NELL1: variants seen among roughly 807,000 people sequenced by gnomAD.
The protein encoded by NELL1 is protein kinase C-binding protein NELL1.
NELL1 carries 76 observed loss-of-function variants against 107.4 expected under a neutral mutation model. The observed-to-expected ratio is 0.71, with a 90% CI of 0.59 to 0.86. NELL1 has a LOEUF of 0.86. Ranked by LOEUF, NELL1 falls within the 40% of genes least tolerant of loss-of-function variation. NELL1 has a pLI of 0.00. For synonymous variants in NELL1, 353 were observed against 341.2 expected (o/e 1.03, Z -0.38); for missense variants, 1,024 against 1,005.5 (o/e 1.02, Z -0.25).
chr11:21,181,905 T>A (rs1176335155), intron 13 of NELL1, among the ~76,000 whole-genome samples: 1 of 151,912 alleles, frequency 6.6e-6, no homozygotes, highest in Non-Finnish European at 1.5e-5. Context: ...AGTAGCTGAA[T>A]TTTTAATAGT....
intron 12 of NELL1, among the ~76,000 whole-genome samples, chr11:20,961,015 G>C (rs1313440266): frequency 6.6e-6 from 1 of 152,106 alleles, no homozygotes; most frequent in Non-Finnish European, 1.5e-5. Context: ...ATTCTTTTTA[G>C]TGGGTTTCTT....
At chr11:20,688,422 C>G (rs1360517346) in intron 2 of NELL1, among the ~76,000 whole-genome samples, 2 of 152,028 alleles carry the variant, frequency 1.3e-5, no homozygotes, top group Non-Finnish European at 2.9e-5. Flanking sequence ...TAGCTGCCAT[C>G]TTTATGTTCA....
chr11:20,678,194 A>G lies in NELL1; in HGVS notation c.184+134A>G, dbSNP rs1235993100. ...TTGTGTTGCTGTCTTGAGTGTTTAG[A>G]TATGCAGGGGGTATTATTCTGAGGG... On this transcript the variant is annotated intron_variant, in intron 2 of 19. Coordinates refer to ENST00000357134, the MANE Select transcript of NELL1 (RefSeq NM_006157.5). 44 of 968,822 alleles carry G rather than the reference A, an allele frequency of 4.5e-5. 1 individual carries two copies. The South Asian group carries it at 6.2e-4, about 14-fold the overall frequency. 60.0% of individuals were successfully genotyped at this position (968,822 alleles called of 1,614,324 possible). A position where few individuals can be genotyped will look rare whatever the true frequency, so the allele number is the denominator to read the frequency against.
intron 15 of NELL1, among the ~76,000 whole-genome samples, chr11:21,451,176 G>C (rs1303488076): frequency 1.8e-5 from 2 of 111,566 alleles, no homozygotes; most frequent in Non-Finnish European, 3.4e-5. Flanking sequence ...GACAGAGATA[G>C]ACTCCGTCTA....
At chr11:21,417,716 A>G (rs1407941314) in intron 15 of NELL1, among the ~76,000 whole-genome samples, 1 of 152,012 alleles carries the variant, frequency 6.6e-6, no homozygotes, top group Non-Finnish European at 1.5e-5. Flanking sequence ...TCTCATCCCC[A>G]TTACCTGAGC....
At chr11:20,812,697 T>C (rs1208591896) in intron 3 of NELL1, among the ~76,000 whole-genome samples, 1 of 152,034 alleles carries the variant, frequency 6.6e-6, no homozygotes, top group Non-Finnish European at 1.5e-5. Context: ...TAGGTACTCT[T>C]CAAATTGTAC....
intron 12 of NELL1, among the ~76,000 whole-genome samples, chr11:21,089,713 G>A (rs1253394666): frequency 6.6e-6 from 1 of 152,172 alleles, no homozygotes; most frequent in Non-Finnish European, 1.5e-5. Context: ...GTCTCTGATT[G>A]GCAATCATTC....
chr11:21,355,416 C>T (rs1301006578), intron 14 of NELL1, among the ~76,000 whole-genome samples: 1 of 152,184 alleles, frequency 6.6e-6, no homozygotes, highest in African/African-American at 2.4e-5. Flanking sequence ...TGCACTACCT[C>T]ATTTAATTCC....
At chr11:20,701,624 GGGTTTTTAT>G (rs564465654) in intron 2 of NELL1, among the ~76,000 whole-genome samples, 318 of 152,250 alleles carry the variant, frequency 2.1e-3, no homozygotes, top group African/African-American at 7.1e-3. Flanking sequence ...TTTTCTTCTA[GGGTTTTTAT>G]GGTTTTAGGT....
chr11:21,216,866 G>T (rs1358647533), intron 13 of NELL1, among the ~76,000 whole-genome samples: 1 of 152,112 alleles, frequency 6.6e-6, no homozygotes, highest in Non-Finnish European at 1.5e-5. Context: ...AGGACTTTGG[G>T]GGACTGTTGG....
At chr11:21,451,020 C>G (rs1306690772) in intron 15 of NELL1, among the ~76,000 whole-genome samples, 1 of 151,412 alleles carries the variant, frequency 6.6e-6, no homozygotes, top group Non-Finnish European at 1.5e-5. Flanking sequence ...GAAACCCCGT[C>G]TCTACTAAAA....
Position 21,407,835 on chromosome 11 carries a change from T to TA in NELL1, c.1645+36895dup, listed in dbSNP as rs529136358. 1.4e-3 allele frequency among the ~76,000 whole-genome samples: 210 copies of TA among 151,774 alleles called. 5 individuals are homozygous for TA. The South Asian group carries it at 0.039, about 28-fold the overall frequency. On this transcript the variant is annotated intron_variant, in intron 15 of 19. Coordinates refer to ENST00000357134, the MANE Select transcript of NELL1 (RefSeq NM_006157.5). ...TTTTGTTTCTACAGTATCCTTTATCTAAAAAAAATTTTCCTTTTCTTTGCC... is the reference window on the plus strand; with the variant it reads ...TTTTGTTTCTACAGTATCCTTTATCTAAAAAAAAATTTTCCTTTTCTTTGCC...
At chr11:21,389,747 G>A (rs1425175445) in intron 15 of NELL1, among the ~76,000 whole-genome samples, 1 of 151,722 alleles carries the variant, frequency 6.6e-6, no homozygotes. Flanking sequence ...CTGTGAATTG[G>A]TTGTAATTTG....
At chr11:20,739,379 G>A (rs1855835841) in intron 2 of NELL1, among the ~76,000 whole-genome samples, 1 of 147,576 alleles carries the variant, frequency 6.8e-6, no homozygotes, top group Non-Finnish European at 1.5e-5. Flanking sequence ...ACACCACGTT[G>A]TCAGGTTGCA....
intron 10 of NELL1, among the ~76,000 whole-genome samples, chr11:20,943,797 T>A (rs1334227932): frequency 6.6e-6 from 1 of 152,204 alleles, no homozygotes; most frequent in East Asian, 1.9e-4. Flanking sequence ...ATTGTTAGAC[T>A]GACTTGGAAA....
chr11:20,985,330 C>T (rs941591045), intron 12 of NELL1, among the ~76,000 whole-genome samples: 7 of 152,130 alleles, frequency 4.6e-5, no homozygotes, highest in African/African-American at 1.7e-4. Flanking sequence ...TGCACAAACC[C>T]TAACCCACAG....
intron 2 of NELL1, among the ~76,000 whole-genome samples, chr11:20,697,334 C>CGGT (rs1478320007): frequency 6.6e-6 from 1 of 150,482 alleles, no homozygotes; most frequent in Non-Finnish European, 1.5e-5. Context: ...GATGTGTCAT[C>CGGT]GGTGGTTCAT....
intron 2 of NELL1, among the ~76,000 whole-genome samples, chr11:20,695,051 A>G (rs1715290): frequency 0.85 from 128,797 of 151,942 alleles, 55,009 homozygotes; most frequent in Non-Finnish European, 0.87. Context: ...TTTTTTGTGC[A>G]TATATTATAA....
chr11:21,032,876 C>T (rs1197988444), intron 12 of NELL1, among the ~76,000 whole-genome samples: 1 of 152,154 alleles, frequency 6.6e-6, no homozygotes, highest in East Asian at 1.9e-4. Context: ...ATCTTTCTTC[C>T]TGGCTTGCTT....
Sources: gnomAD v4.1 joint callset for allele counts (sites outside exome capture counted in the v4.1 genomes callset) on GRCh38, gnomAD v4.1.1 for gene constraint, MANE v1.5 for transcripts, NCBI Gene and HGNC (gene_info 2026-07-23, HGNC 2026-07-21) for gene names.